The following PRKCB variants were observed in gnomAD, a reference collection of about 807,000 sequenced individuals.
PRKCB encodes protein kinase C beta.
A neutral mutation model predicts 81.5 loss-of-function variants in PRKCB; 13 were observed. The ratio of observed to expected loss-of-function variants is 0.16; its 90% CI spans 0.10 to 0.25. The LOEUF (loss-of-function observed/expected upper bound fraction) is 0.25, where lower values mean the gene tolerates loss of function less well. PRKCB is among the 10% of genes least tolerant of loss of function. PRKCB has a pLI of 1.00. For synonymous variants in PRKCB, 335 were observed against 321.4 expected (o/e 1.04, Z -0.45); for missense variants, 509 against 875.7 (o/e 0.58, Z 5.29).
At chr16:23,879,646 A>AGG (rs1963074541) in intron 2 of PRKCB, among the ~76,000 whole-genome samples, 1 of 151,738 alleles carries the variant, frequency 6.6e-6, no homozygotes, top group Non-Finnish European at 1.5e-5. Context: ...GGCATGCACC[A>AGG]CCATGCCTGG....
At chr16:23,915,366 G>C (rs1963722146) in intron 2 of PRKCB, among the ~76,000 whole-genome samples, 1 of 151,982 alleles carries the variant, frequency 6.6e-6, no homozygotes, top group Non-Finnish European at 1.5e-5. Context: ...CCATTGCCTT[G>C]CCCCGGAAGG....
chr16:24,100,612 C>T (rs1478547514), intron 7 of PRKCB, among the ~76,000 whole-genome samples: 3 of 152,162 alleles, frequency 2.0e-5, no homozygotes, highest in Non-Finnish European at 4.4e-5. Flanking sequence ...AGGAGGGAAA[C>T]CCACCTCTCC....
At chr16:23,998,494 G>A (rs1964988582) in intron 3 of PRKCB, among the ~76,000 whole-genome samples, 1 of 152,148 alleles carries the variant, frequency 6.6e-6, no homozygotes, top group Non-Finnish European at 1.5e-5. Flanking sequence ...ACGGTATTGT[G>A]TCCTGGTTAA....
rs112236415 is a variant in PRKCB at position 23,956,628 on chromosome 16, C to T, written c.206-31880C>T. On this transcript the variant is annotated intron_variant, in intron 2 of 16. Transcript: ENST00000643927. ...AGTTGTAATAGATATTGCTAAATTG[C>T]TCTCAAATGTTGTGCCAATTTATGC... Among the ~76,000 whole-genome samples, 608 of 152,234 alleles carry T rather than the reference C, an allele frequency of 4.0e-3. 1 individual carries two copies. The highest frequency in any genetic ancestry group is 0.01 in the Middle Eastern group (3 of 294).
intron 13 of PRKCB, among the ~76,000 whole-genome samples, chr16:24,182,873 T>TTGTGTGTGTGTGTGGGTGTGTGTG (rs1967647664): frequency 7.5e-6 from 1 of 133,520 alleles, no homozygotes; most frequent in South Asian, 2.8e-4. Context: ...ACATTGTTTC[T>TTGTGTGTGTGTGTGGGTGTGTGTG]TGTGTGTGTG....
intron 10 of PRKCB, among the ~76,000 whole-genome samples, chr16:24,171,913 G>GC (rs1967446584): frequency 1.3e-5 from 2 of 151,334 alleles, no homozygotes. Flanking sequence ...TTTGTATTTT[G>GC]TTTTTTTTCA....
At chr16:23,862,728 A>T (rs2141091499) in intron 2 of PRKCB, among the ~76,000 whole-genome samples, 1 of 152,264 alleles carries the variant, frequency 6.6e-6, no homozygotes, top group East Asian at 1.9e-4. Context: ...CAGAGAGGTG[A>T]AGTCATTTCC....
intron 3 of PRKCB, among the ~76,000 whole-genome samples, chr16:24,019,485 C>T (rs187195262): frequency 3.3e-5 from 5 of 152,276 alleles, no homozygotes; most frequent in South Asian, 2.1e-4. Flanking sequence ...CAACCTTGGT[C>T]GGGTGCAGTG....
At chr16:23,853,036 T>C (rs60867733) in intron 2 of PRKCB, among the ~76,000 whole-genome samples, 3,975 of 152,270 alleles carry the variant, frequency 0.026, 165 homozygotes, top group African/African-American at 0.091. Context: ...GAACATCTGC[T>C]TCCTGTTTCA....
intron 2 of PRKCB, among the ~76,000 whole-genome samples, chr16:23,847,356 CTATCTATCTATCTATCTATCTGTCCATCT>C (rs1567288240): frequency 3.0e-5 from 2 of 67,678 alleles, no homozygotes; most frequent in African/African-American, 1.2e-4. Flanking sequence ...ATCTATCTAT[CTATCTATCTATCTATCTATCTGTCCATCT>C]ATCTATCTAT....
At chr16:23,871,868 T>G (rs1962910963) in intron 2 of PRKCB, among the ~76,000 whole-genome samples, 1 of 151,836 alleles carries the variant, frequency 6.6e-6, no homozygotes, top group South Asian at 2.1e-4. Flanking sequence ...GTTTTTTTTT[T>G]TTTTTTTTTT....
chr16:24,015,075 A>G (rs1965259833), intron 3 of PRKCB, among the ~76,000 whole-genome samples: 2 of 152,176 alleles, frequency 1.3e-5, no homozygotes, highest in Admixed American at 6.5e-5. Context: ...TGCTGGGATT[A>G]CAGGTGTGAA....
At chr16:24,002,654 T>A (rs980367138) in intron 3 of PRKCB, among the ~76,000 whole-genome samples, 2 of 152,156 alleles carry the variant, frequency 1.3e-5, no homozygotes, top group African/African-American at 4.8e-5. Flanking sequence ...AGGTGTTTTT[T>A]AAGCCTTTGT....
At chr16:23,908,669 G>A (rs1963603463) in intron 2 of PRKCB, among the ~76,000 whole-genome samples, 1 of 149,456 alleles carries the variant, frequency 6.7e-6, no homozygotes, top group South Asian at 2.2e-4. Context: ...GGGACTACAG[G>A]TGCCCACCAC....
intron 16 of PRKCB, among the ~76,000 whole-genome samples, chr16:24,211,796 G>C (rs1362330995): frequency 2.0e-5 from 3 of 152,026 alleles, no homozygotes; most frequent in African/African-American, 4.8e-5. Flanking sequence ...TTGATCTCAG[G>C]TGATCCACCC....
intron 7 of PRKCB, among the ~76,000 whole-genome samples, chr16:24,100,371 G>C (rs1458153224): frequency 6.6e-6 from 1 of 152,084 alleles, no homozygotes; most frequent in Non-Finnish European, 1.5e-5. Context: ...CTAGCTTTGG[G>C]GCATCATTCT....
chr16:24,214,577 A>G, intron 16 of PRKCB, 81 bp from the exon 17 acceptor site: 4 of 1,170,584 alleles, frequency 3.4e-6, no homozygotes, highest in Admixed American at 4.1e-5. Flanking sequence ...ACACCCAATT[A>G]TGCTAGGTTC....
chr16:24,042,169 G>T (rs962954459), intron 5 of PRKCB, among the ~76,000 whole-genome samples: 1 of 152,238 alleles, frequency 6.6e-6, no homozygotes, highest in Middle Eastern at 3.4e-3. Context: ...CCAGCCATGC[G>T]TCAATTGCAG....
intron 2 of PRKCB, among the ~76,000 whole-genome samples, chr16:23,973,621 TG>T (rs1343221872): frequency 6.6e-6 from 1 of 152,242 alleles, no homozygotes; most frequent in African/African-American, 2.4e-5. Flanking sequence ...ACAGTGAGCA[TG>T]TTAAACCTAG....
Sources: allele counts gnomAD v4.1 joint callset (sites outside exome capture counted in the v4.1 genomes callset), GRCh38; gene constraint gnomAD v4.1.1; transcripts MANE v1.5; gene names NCBI Gene and HGNC (gene_info 2026-07-23, HGNC 2026-07-21).